The following ARHGAP39 variants were observed in gnomAD, a reference collection of about 807,000 sequenced individuals.
ARHGAP39 encodes rho GTPase-activating protein 39.
ARHGAP39 carries 44 observed loss-of-function variants against 106.9 expected under a neutral mutation model. That is an observed-to-expected ratio of 0.41 (90% confidence interval 0.32 to 0.53). The LOEUF (loss-of-function observed/expected upper bound fraction) is 0.53, where lower values mean the gene tolerates loss of function less well. Ranked by LOEUF, ARHGAP39 falls within the 20% of genes least tolerant of loss-of-function variation. ARHGAP39 has a pLI of 0.21. For missense variants in ARHGAP39, 1,496 were observed against 1,577.3 expected, an observed-to-expected ratio of 0.95 and a Z score of 0.87; for synonymous variants, 768 against 693.2, an observed-to-expected ratio of 1.11 and a Z score of -1.69.
chr8:144,589,449 C>T (rs985511556), intron 2 of ARHGAP39, among the ~76,000 whole-genome samples: 2 of 152,094 alleles, frequency 1.3e-5, no homozygotes, highest in Non-Finnish European at 2.9e-5. Flanking sequence ...CCTGGGAGGA[C>T]GAACTCCTCT....
intron 4 of ARHGAP39, among the ~76,000 whole-genome samples, chr8:144,550,186 A>T (rs1013581310): frequency 1.3e-5 from 2 of 152,160 alleles, no homozygotes; most frequent in Non-Finnish European, 1.5e-5. Flanking sequence ...GGGTGGGAGG[A>T]TCGCTTAAGC....
intron 1 of ARHGAP39, among the ~76,000 whole-genome samples, chr8:144,631,513 A>G (rs562236062): frequency 6.6e-6 from 1 of 152,362 alleles, no homozygotes; most frequent in African/African-American, 2.4e-5. Flanking sequence ...TCCTGAGGAT[A>G]ATCACACTAT....
intron 2 of ARHGAP39, among the ~76,000 whole-genome samples, chr8:144,598,335 G>A (rs963624069): frequency 3.3e-5 from 5 of 152,226 alleles, no homozygotes; most frequent in Non-Finnish European, 5.9e-5. Flanking sequence ...GGGAAACTCG[G>A]AACTCAGCTG....
chr8:144,693,375 T>C, the ARHGAP39 span, among the ~76,000 whole-genome samples: 1 of 126,708 alleles, frequency 7.9e-6, no homozygotes, highest in African/African-American at 3.0e-5. Context: ...AAAATTCTTT[T>C]TTGTTTGTTT....
intron 1 of ARHGAP39, among the ~76,000 whole-genome samples, chr8:144,648,168 C>T (rs1821490624): frequency 1.3e-5 from 2 of 152,132 alleles, no homozygotes; most frequent in Non-Finnish European, 1.5e-5. Context: ...TCCACGGCCC[C>T]AGCTGCTCCT....
rs773718640 is a variant in ARHGAP39 at position 144,548,428 on chromosome 8, G to C, written c.658C>G (p.Arg220Gly). ...KERMLIKVAD[R>G]EPSFLAAQGN... ...TGGGCGGCGAGGAAGCTGGGCTCCC[G>C]ATCAGCGACCTTGATGAGCATGCGC... The change falls in exon 5 of 12, where the codon CGG becomes GGG. Residue 220 changes from arginine to glycine, a missense_variant. Physicochemically the swap from Arg to Gly is moderately radical, Grantham distance 125 (BLOSUM62 -2). Around this residue, in one of 4 missense-constraint regions of ARHGAP39, gnomAD observed 905 missense variants for 816.4 expected, o/e 1.11. Coordinates refer to ENST00000377307, the MANE Select transcript of ARHGAP39 (RefSeq NM_025251.3). The surrounding 1 kb of genome is among the most constrained non-coding windows in gnomAD (Gnocchi z 7.4). The C allele has an allele frequency of 8.7e-6, 14 of 1,610,782 alleles. No homozygotes were observed. In the East Asian group the frequency reaches 1.3e-4, roughly 15 times the overall value.
chr8:144,626,952 A>C (rs1820933515), intron 1 of ARHGAP39, among the ~76,000 whole-genome samples: 1 of 152,252 alleles, frequency 6.6e-6, no homozygotes, highest in African/African-American at 2.4e-5. Context: ...TGCTGGGATA[A>C]GGTTCGTGGC....
intron 2 of ARHGAP39, among the ~76,000 whole-genome samples, chr8:144,590,441 G>C (rs1819348165): frequency 6.6e-6 from 1 of 152,170 alleles, no homozygotes; most frequent in South Asian, 2.1e-4. Flanking sequence ...TGTGAGATCA[G>C]GTTGTTTAAA....
intron 1 of ARHGAP39, among the ~76,000 whole-genome samples, chr8:144,618,033 C>T (rs886676423): frequency 3.3e-5 from 5 of 152,288 alleles, no homozygotes; most frequent in South Asian, 4.1e-4. Flanking sequence ...CTGCCTGCCT[C>T]GGCCTCCCAA....
chr8:144,614,023 T>C (rs1586615299), intron 1 of ARHGAP39, among the ~76,000 whole-genome samples: 1 of 152,248 alleles, frequency 6.6e-6, no homozygotes, highest in Non-Finnish European at 1.5e-5. Context: ...TCATCTGCAA[T>C]CTCTGATCTA....
intron 1 of ARHGAP39, among the ~76,000 whole-genome samples, chr8:144,664,322 G>C (rs926846175): frequency 5.1e-4 from 78 of 152,326 alleles, no homozygotes; most frequent in African/African-American, 1.8e-3. Context: ...GCAGCCAGCA[G>C]GATCCTTTTA....
chr8:144,572,284 G>C (rs1818614557), intron 3 of ARHGAP39, among the ~76,000 whole-genome samples: 1 of 152,134 alleles, frequency 6.6e-6, no homozygotes, highest in African/African-American at 2.4e-5. Context: ...CAGAGCTATA[G>C]ATCAATGGAA....
chr8:144,662,147 C>G (rs903780731), intron 1 of ARHGAP39, among the ~76,000 whole-genome samples: 3 of 151,150 alleles, frequency 2.0e-5, no homozygotes, highest in Non-Finnish European at 4.4e-5. Flanking sequence ...CATTTTCCAC[C>G]CTGGGTCACT....
chr8:144,545,880 C>T, intron 5 of ARHGAP39, 70 bp from the exon 6 acceptor site: 4 of 1,365,622 alleles, frequency 2.9e-6, no homozygotes, highest in Non-Finnish European at 9.7e-7. Context: ...CACTGGGCCA[C>T]AGTCCCCAGA....
chr8:144,550,713 G>A (rs948877715), intron 4 of ARHGAP39, among the ~76,000 whole-genome samples: 3 of 152,248 alleles, frequency 2.0e-5, no homozygotes, highest in South Asian at 2.1e-4. Context: ...ATTTCTGCTC[G>A]TGGCTGCTGG....
chr8:144,635,592 C>G (rs1563717900), intron 1 of ARHGAP39, among the ~76,000 whole-genome samples: 1 of 152,226 alleles, frequency 6.6e-6, no homozygotes, highest in Non-Finnish European at 1.5e-5. Flanking sequence ...CGATTTGTAC[C>G]TGGTTGGTCA....
At chr8:144,614,623 G>T (rs927083524) in intron 1 of ARHGAP39, among the ~76,000 whole-genome samples, 1 of 152,202 alleles carries the variant, frequency 6.6e-6, no homozygotes, top group Non-Finnish European at 1.5e-5. Context: ...CAAGTGCTGG[G>T]ATTACAGGTG....
intron 4 of ARHGAP39, among the ~76,000 whole-genome samples, chr8:144,550,266 C>A (rs1294150437): frequency 1.3e-5 from 2 of 151,596 alleles, no homozygotes; most frequent in Non-Finnish European, 1.5e-5. Context: ...CAGAGTGAGA[C>A]CCTGTCTAAA....
chr8:144,686,081 G>T (rs1226225411), upstream of ARHGAP39, among the ~76,000 whole-genome samples: 1 of 151,978 alleles, frequency 6.6e-6, no homozygotes, highest in East Asian at 1.9e-4. Context: ...TACCCTGTGA[G>T]TTAGCGGTGT....
Sources: allele counts gnomAD v4.1 joint callset (sites outside exome capture counted in the v4.1 genomes callset), GRCh38; gene constraint gnomAD v4.1.1; regional missense constraint gnomAD v4.1.1; non-coding constraint Gnocchi (gnomAD v3.1); transcripts MANE v1.5; gene names NCBI Gene and HGNC (gene_info 2026-07-23, HGNC 2026-07-21).